The following TOP1 variants were observed in gnomAD, a reference collection of about 807,000 sequenced individuals.
TOP1 encodes the protein DNA topoisomerase I, also known as DNA topoisomerase 1.
In TOP1, 10 loss-of-function variants were observed where a neutral mutation model predicts 111.1. The ratio of observed to expected loss-of-function variants is 0.09; its 90% confidence interval spans 0.06 to 0.15. The LOEUF (loss-of-function observed/expected upper bound fraction) is 0.15. TOP1 is among the 10% of genes least tolerant of loss of function. TOP1 has a pLI of 1.00. For synonymous variants in TOP1, 271 were observed against 302.9 expected (o/e 0.89, Z 1.10); for missense variants, 474 against 926.7 (o/e 0.51, Z 6.34).
chr20:41,080,280 AATTGGCTTTTACTC>A lies in TOP1; in HGVS notation c.431+104_431+117del. ...TTATAATACATATAGAAACTGCATT[AATTGGCTTTTACTC>A]ATTTGGAATTTGTGATTAATGGACT... On this transcript the variant is annotated intron_variant, in intron 6 of 20. Transcript: ENST00000361337. This position sits in a 1 kb window ranked among gnomAD's most constrained non-coding sequence, Gnocchi z 5.0. 1.5e-6 allele frequency: 1 copy of A among 689,638 alleles called. No homozygotes were observed. The highest frequency in any genetic ancestry group is 2.0e-5 in the South Asian group (1 of 49,110). The allele number at this position is 689,638 out of a possible 1,614,324, so 42.7% of individuals were successfully genotyped here.
chr20:41,111,361 C>T (rs1176504155), intron 13 of TOP1, among the ~76,000 whole-genome samples: 1 of 152,156 alleles, frequency 6.6e-6, no homozygotes, highest in Non-Finnish European at 1.5e-5. Flanking sequence ...TTTTCTGTGT[C>T]ACCAACTACT....
At chr20:41,062,045 A>G (rs1245981207) in intron 3 of TOP1, among the ~76,000 whole-genome samples, 3 of 152,224 alleles carry the variant, frequency 2.0e-5, no homozygotes, top group Admixed American at 1.3e-4. Flanking sequence ...ATGAAACTCA[A>G]TAGTGCTGCC....
chr20:41,036,367 T>G (rs1363067854), intron 2 of TOP1, among the ~76,000 whole-genome samples: 1 of 152,098 alleles, frequency 6.6e-6, no homozygotes, highest in Admixed American at 6.6e-5. Flanking sequence ...TGGTGTAGGA[T>G]TCCGAAAAAT....
In TOP1 at chr20:41,092,539, G is replaced by T; in HGVS notation, c.682G>T (p.Ala228Ser). 6.2e-7 allele frequency: 1 copy of T among 1,608,484 alleles called. No homozygotes were observed. Among genetic ancestry groups the T allele is most frequent in the Non-Finnish European group, 8.5e-7 (1 of 1,177,560 alleles). The change falls in exon 9 of 21, where the codon GCC becomes TCC. Residue 228 changes from alanine (A) to serine (S), a missense_variant. Physicochemically the swap from Ala to Ser is moderately conservative, Grantham distance 99. Transcript: ENST00000361337. This position sits in a 1 kb window ranked among gnomAD's most constrained non-coding sequence, Gnocchi z 4.3. ...CCTAGAACATAAAGGTCCAGTATTT[G>T]CCCCACCATATGAGCCTCTTCCAGA... Reference protein sequence around the residue: ...KFLEHKGPVFAPPYEPLPENV... With the variant: ...KFLEHKGPVFSPPYEPLPENV...
Position 41,046,231 on chromosome 20 carries a change from A to G in TOP1, c.59-15163A>G, listed in dbSNP as rs944514962. Among the ~76,000 whole-genome samples the G allele has an allele frequency of 6.6e-6, 1 of 152,194 alleles. No homozygotes were observed. The highest frequency in any genetic ancestry group is 2.4e-5 in the African/African-American group (1 of 41,446). ...CAATCCTGAGGTAGTTAACATTACT[A>G]TTTCCAGTAATGTTCACTGGGCCAG... On this transcript the variant is annotated intron_variant, in intron 2 of 20. Coordinates refer to ENST00000361337, the MANE Select transcript of TOP1 (RefSeq NM_003286.4). The surrounding 1 kb of genome is among the most constrained non-coding windows in gnomAD (Gnocchi z 4.3).
At chr20:41,045,814 A>G (rs931726980) in intron 2 of TOP1, among the ~76,000 whole-genome samples, 1 of 152,250 alleles carries the variant, frequency 6.6e-6, no homozygotes, top group South Asian at 2.1e-4. Flanking sequence ...TAATTCATGC[A>G]AGGTGTTGCT....
intron 2 of TOP1, among the ~76,000 whole-genome samples, chr20:41,036,832 C>CTTTT (rs56013409): frequency 0.011 from 1,425 of 128,164 alleles, 50 homozygotes; most frequent in Non-Finnish European, 0.013. Flanking sequence ...TCCTACTTTT[C>CTTTT]TTTTTTTTTT....
At chr20:41,072,716 G>A (rs2033682304) in intron 3 of TOP1, 12 of 985,400 alleles carry the variant, frequency 1.2e-5, no homozygotes, top group Non-Finnish European at 1.4e-5. Context: ...AGGCAGGGAC[G>A]GTAACAGCAC....
intron 14 of TOP1, among the ~76,000 whole-genome samples, 196 bp downstream of exon 14, chr20:41,113,121 C>G (rs1004654499): frequency 6.6e-6 from 1 of 152,098 alleles, no homozygotes; most frequent in Non-Finnish European, 1.5e-5. Flanking sequence ...TTTTTTAACT[C>G]TATTTCATTC....
At chr20:41,104,223 G>A (rs184178327) in intron 13 of TOP1, among the ~76,000 whole-genome samples, 1 of 152,214 alleles carries the variant, frequency 6.6e-6, no homozygotes, top group East Asian at 1.9e-4. Context: ...CACCAACCTG[G>A]GATTTAAAGA....
rs1477260098 is a variant in TOP1, at chr20:41,109,041, C to T, written c.1309-3741C>T. Among the ~76,000 whole-genome samples, 2 of 152,180 alleles carry T rather than the reference C, an allele frequency of 1.3e-5. No individual in the cohort carries two copies. The highest frequency in any genetic ancestry group is 2.9e-5 in the Non-Finnish European group (2 of 68,022). The stretch of plus-strand genomic sequence containing the variant: ...TGTTGACATCGTATTGCGTTTAGTC[C>T]TGTTAAAATACTCTCAGTGCCAAAT... On this transcript the variant is annotated intron_variant, in intron 13 of 20. Transcript: ENST00000361337. This position sits in a 1 kb window ranked among gnomAD's most constrained non-coding sequence, Gnocchi z 4.1.
chr20:41,062,697 G>A (rs1185982113), intron 3 of TOP1, among the ~76,000 whole-genome samples: 1 of 152,112 alleles, frequency 6.6e-6, no homozygotes, highest in African/African-American at 2.4e-5. Flanking sequence ...ATCCACTAAC[G>A]TCACAGCCTC....
rs1462943040 is a variant in TOP1 at position 41,109,332 on chromosome 20, T to C, written c.1309-3450T>C. Among the ~76,000 whole-genome samples, 1 of 152,224 alleles carries C rather than the reference T, an allele frequency of 6.6e-6. No individual in the cohort carries two copies. The highest frequency in any genetic ancestry group is 1.5e-5 in the Non-Finnish European group (1 of 68,044). On this transcript the variant is annotated intron_variant, in intron 13 of 20. Coordinates refer to ENST00000361337, the MANE Select transcript of TOP1 (RefSeq NM_003286.4). The surrounding 1 kb of genome is among the most constrained non-coding windows in gnomAD (Gnocchi z 4.1). ...AAAACGTTTTAAATCTATTTATTAG[T>C]AAGACTAACATAGACCTAAGTGTGA... is the stretch of plus-strand genomic sequence containing the variant.
At chr20:41,104,205 A>C (rs1293550886) in intron 13 of TOP1, among the ~76,000 whole-genome samples, 6 of 152,184 alleles carry the variant, frequency 3.9e-5, no homozygotes, top group Non-Finnish European at 7.3e-5. Context: ...TTAAGTTTAA[A>C]AGGAAGCCAC....
chr20:41,062,048 G>A (rs2033551784), intron 3 of TOP1, among the ~76,000 whole-genome samples: 1 of 152,186 alleles, frequency 6.6e-6, no homozygotes, highest in Admixed American at 6.5e-5. Context: ...AAACTCAATA[G>A]TGCTGCCTTT....
chr20:41,119,692 A>G (rs1462745053), intron 18 of TOP1, among the ~76,000 whole-genome samples: 2 of 152,216 alleles, frequency 1.3e-5, no homozygotes, highest in Non-Finnish European at 2.9e-5. Context: ...AATTTATGCT[A>G]CAGATGCCAT....
At chr20:41,039,675 G>A (rs770771839) in intron 2 of TOP1, among the ~76,000 whole-genome samples, 2 of 152,098 alleles carry the variant, frequency 1.3e-5, no homozygotes, top group African/African-American at 2.4e-5. Context: ...TTAGGAGGCC[G>A]AGGCGGGCGG....
chr20:41,119,415 G>T (rs753712385), intron 18 of TOP1, among the ~76,000 whole-genome samples: 4 of 152,128 alleles, frequency 2.6e-5, no homozygotes, highest in Middle Eastern at 3.2e-3. Context: ...AGTAATTCAA[G>T]ACCAACCTGG....
intron 8 of TOP1, among the ~76,000 whole-genome samples, chr20:41,090,304 T>C (rs548867789): frequency 2.6e-5 from 4 of 152,256 alleles, no homozygotes; most frequent in Admixed American, 2.0e-4. Flanking sequence ...ATCTTTTTTT[T>C]CCCCTCCACC....
Sources: gnomAD v4.1 joint callset for allele counts (sites outside exome capture counted in the v4.1 genomes callset) on GRCh38, gnomAD v4.1.1 for gene constraint, Gnocchi (gnomAD v3.1) non-coding constraint, MANE v1.5 for transcripts, NCBI Gene and HGNC (gene_info 2026-07-23, HGNC 2026-07-21) for gene names.